C6orf132: variants seen among roughly 807,000 people sequenced by gnomAD.
The protein encoded by C6orf132 is uncharacterized protein C6orf132.
In C6orf132, 43 loss-of-function variants were observed where a neutral mutation model predicts 65.3. The observed-to-expected ratio is 0.66, with a 90% CI of 0.52 to 0.85. The LOEUF (loss-of-function observed/expected upper bound fraction) is 0.85. Ranked by LOEUF, C6orf132 falls within the 40% of genes least tolerant of loss-of-function variation. C6orf132 has a pLI of 0.00. For missense variants in C6orf132, 1,488 were observed against 1,548.8 expected, an observed-to-expected ratio of 0.96 and a Z score of 0.66; for synonymous variants, 631 against 654.1, an observed-to-expected ratio of 0.96 and a Z score of 0.54.
At chr6:42,112,623 C>T (rs1180221728) in intron 2 of C6orf132, among the ~76,000 whole-genome samples, 1 of 152,218 alleles carries the variant, frequency 6.6e-6, no homozygotes, top group Non-Finnish European at 1.5e-5. Flanking sequence ...CACTGCTACC[C>T]AGAGCAACCC....
intron 2 of C6orf132, among the ~76,000 whole-genome samples, chr6:42,116,175 G>A (rs755279747): frequency 2.0e-5 from 3 of 151,752 alleles, no homozygotes; most frequent in Non-Finnish European, 4.4e-5. Flanking sequence ...TGATCCGCCC[G>A]CCGTGGCCTC....
intron 1 of C6orf132, among the ~76,000 whole-genome samples, chr6:42,140,172 C>G (rs1040433650): frequency 9.2e-5 from 14 of 152,260 alleles, no homozygotes; most frequent in Non-Finnish European, 1.8e-4. Flanking sequence ...CAGCTGGAGG[C>G]CCAGCCCTGC....
intron 2 of C6orf132, among the ~76,000 whole-genome samples, chr6:42,113,825 A>AG (rs1766527890): frequency 6.6e-6 from 1 of 150,754 alleles, no homozygotes. Flanking sequence ...AAAAAAGAAA[A>AG]GAAAAAAAAG....
chr6:42,118,227 T>G (rs1049939245), intron 2 of C6orf132, among the ~76,000 whole-genome samples: 15 of 152,308 alleles, frequency 9.8e-5, no homozygotes, highest in African/African-American at 3.6e-4. Context: ...GAGGTTGTCC[T>G]CTGACTCCAG....
chr6:42,106,359 A>G lies in C6orf132; in HGVS notation c.1553T>C (p.Leu518Pro). 1 of 1,536,316 alleles carries G rather than the reference A, an allele frequency of 6.5e-7. No homozygotes were observed. The highest frequency in any genetic ancestry group is 8.7e-7 in the Non-Finnish European group (1 of 1,146,778). The change falls in exon 4 of 5, where the codon CTG becomes CCG. Residue 518 changes from leucine (L) to proline (P), a missense_variant. Physicochemically the swap from Leu to Pro is moderately conservative, Grantham distance 98. Transcript: ENST00000341865. ...ACCTGGGGGAGTGTCCTTTGCTGGC[A>G]GGCTCAGGAGAGTCTCCTTCTCAGG... ...RLPEKETLLS[L>P]PAKDTPPGVP...
chr6:42,120,199 C>G (rs1308221773), intron 2 of C6orf132, among the ~76,000 whole-genome samples: 2 of 151,686 alleles, frequency 1.3e-5, no homozygotes, highest in Admixed American at 6.6e-5. Flanking sequence ...AACTACCATT[C>G]CAAGAATATT....
At chr6:42,125,745 G>T (rs1177749566) in intron 2 of C6orf132, among the ~76,000 whole-genome samples, 4 of 152,218 alleles carry the variant, frequency 2.6e-5, no homozygotes, top group Non-Finnish European at 4.4e-5. Flanking sequence ...GGCCTGACCA[G>T]CCAGCCCAGC....
Position 42,106,794 on chromosome 6 carries a change from C to A in C6orf132, c.1118G>T (p.Ser373Ile), listed in dbSNP as rs1214241951. 4 of 1,534,646 alleles carry A rather than the reference C, an allele frequency of 2.6e-6. No homozygotes were observed. The highest frequency in any genetic ancestry group is 1.2e-5 in the South Asian group (1 of 83,948). Residue 373 changes from serine to isoleucine, a missense_variant, in exon 4 of 5, where the codon AGC (serine) becomes ATC (isoleucine). Physicochemically the swap from Ser to Ile is moderately radical, Grantham distance 142. Coordinates refer to ENST00000341865, the MANE Select transcript of C6orf132 (RefSeq NM_001164446.3). Reference protein sequence around the residue: ...PGELKATAPASPRLGQSQSQA... With the variant: ...PGELKATAPAIPRLGQSQSQA... ...GGACTGGGACTGGCCAAGCCTTGGG[C>A]TGGCTGGTGCTGTGGCCTTGAGCTC...
chr6:42,107,315 TG>T lies in C6orf132; in HGVS notation c.596del (p.Pro199HisfsTer26). The part of the protein sequence containing the change: ...PPPPVLEALS[P>X]PHTLSSPSIP... Reference sequence around the variant, plus strand: ...TGGATGGGGAGGAAAGAGTGTGTGGTGGGGATAGGGCCTCCAATACTGGGGG... The same window carrying T: ...TGGATGGGGAGGAAAGAGTGTGTGGTGGGATAGGGCCTCCAATACTGGGGG... On this transcript the variant is annotated frameshift_variant, in exon 4 of 5. Transcript: ENST00000341865. LOFTEE classifies it high-confidence loss of function. The T allele has an allele frequency of 2.1e-6, 2 of 974,862 alleles. No individual in the cohort carries two copies. The highest frequency in any genetic ancestry group is 2.6e-6 in the Non-Finnish European group (2 of 784,130). 60.4% of individuals were successfully genotyped at this position (974,862 alleles called of 1,614,324 possible). A position where few individuals can be genotyped will look rare whatever the true frequency, so the allele number is the denominator to read the frequency against.
At chr6:42,132,249 CT>C (rs1766865000) in intron 1 of C6orf132, among the ~76,000 whole-genome samples, 1 of 152,132 alleles carries the variant, frequency 6.6e-6, no homozygotes, top group Non-Finnish European at 1.5e-5. Flanking sequence ...GGTGCGGGGG[CT>C]CACACCTGTA....
chr6:42,123,110 G>A (rs553247118), intron 2 of C6orf132, among the ~76,000 whole-genome samples: 38 of 152,172 alleles, frequency 2.5e-4, no homozygotes, highest in African/African-American at 8.2e-4. Context: ...GGCCGGGCGC[G>A]GTGGCTCACG....
Position 42,105,706 on chromosome 6 carries a change from A to T in C6orf132, c.2206T>A (p.Ser736Thr), listed in dbSNP as rs967167935. Residue 736 changes from serine to threonine, a missense_variant, in exon 4 of 5, where the codon TCC becomes ACC. Physicochemically the swap from Ser to Thr is moderately conservative, Grantham distance 58. Coordinates refer to ENST00000341865, the MANE Select transcript of C6orf132 (RefSeq NM_001164446.3). ...STPSQARGEG[S>T]PSEATRLPTQ... ...GGCAGCCTAGTGGCCTCTGAGGGGG[A>T]CCCCTCTCCCCTTGCCTGGGAGGGA... 1 of 1,536,756 alleles carries T rather than the reference A, an allele frequency of 6.5e-7. No homozygotes were observed. Among genetic ancestry groups the T allele is most frequent in the African/African-American group, 1.4e-5 (1 of 72,910 alleles).
chr6:42,109,496 G>A (rs760364272), intron 3 of C6orf132, among the ~76,000 whole-genome samples: 3 of 152,126 alleles, frequency 2.0e-5, no homozygotes, highest in Admixed American at 2.0e-4. Context: ...TGACATTTGA[G>A]CAAAGAAGGG....
At chr6:42,117,441 C>A (rs1766599893) in intron 2 of C6orf132, among the ~76,000 whole-genome samples, 1 of 152,112 alleles carries the variant, frequency 6.6e-6, no homozygotes, top group Non-Finnish European at 1.5e-5. Context: ...TGCTCTCATA[C>A]TTTCCCTCTA....
intron 1 of C6orf132, among the ~76,000 whole-genome samples, chr6:42,135,416 CG>C (rs1766925405): frequency 6.6e-6 from 1 of 152,206 alleles, no homozygotes; most frequent in Non-Finnish European, 1.5e-5. Flanking sequence ...TTAAATGTGG[CG>C]GGTGGGCCAG....
chr6:42,142,565 T>G lies in C6orf132; in HGVS notation c.-121A>C. The G allele has an allele frequency of 6.3e-5, 29 of 463,834 alleles. No homozygotes were observed. Among genetic ancestry groups the G allele is most frequent in the East Asian group, 9.9e-5 (1 of 10,076 alleles). The allele number at this position is 463,834 out of a possible 1,614,324, so 28.7% of individuals were successfully genotyped here. ...TACCAGGCCATGTCCCCCGCCGTCC[T>G]CCCCGCCCGCGCACCGGGCAACAGG... On this transcript the variant is annotated 5_prime_UTR_variant, in exon 1 of 5. Transcript: ENST00000341865.
rs1349745243 is a variant in C6orf132 at position 42,102,220 on chromosome 6, CCTTT to C, written c.*1537_*1540del. The C allele has an allele frequency of 1.4e-5, 2 of 140,150 alleles. No individual in the cohort carries two copies. The highest frequency in any genetic ancestry group is 3.0e-5 in the Non-Finnish European group (2 of 66,304). 8.7% of individuals were successfully genotyped at this position (140,150 alleles called of 1,614,324 possible). A position where few individuals can be genotyped will look rare whatever the true frequency, so the allele number is the denominator to read the frequency against. ...ACCCTACTGATAGGTCTCCCCTGCTCCTTTTTTTTTTTTTTTTTTTTTTTTTGAG... is the reference window on the plus strand; with the variant it reads ...ACCCTACTGATAGGTCTCCCCTGCTCTTTTTTTTTTTTTTTTTTTTTTGAG... On this transcript the variant is annotated 3_prime_UTR_variant, in exon 5 of 5. Coordinates refer to ENST00000341865, the MANE Select transcript of C6orf132 (RefSeq NM_001164446.3).
At chr6:42,117,981 G>A (rs1466039110) in intron 2 of C6orf132, among the ~76,000 whole-genome samples, 1 of 145,564 alleles carries the variant, frequency 6.9e-6, no homozygotes, top group Non-Finnish European at 1.5e-5. Flanking sequence ...GAAAACCTGT[G>A]TTATGGCTCT....
In C6orf132 at chr6:42,106,954, C is replaced by T. The variant is rs1766420638; in HGVS notation, c.958G>A (p.Ala320Thr). 12 of 1,536,120 alleles carry T rather than the reference C, an allele frequency of 7.8e-6. No individual in the cohort carries two copies. The highest frequency in any genetic ancestry group is 1.0e-5 in the Non-Finnish European group (12 of 1,146,574). The change falls in exon 4 of 5, where the codon GCA becomes ACA. Residue 320 changes from alanine (A) to threonine (T), a missense_variant. By Grantham distance (58) the Ala-to-Thr change is moderately conservative (BLOSUM62 0). Coordinates refer to ENST00000341865, the MANE Select transcript of C6orf132 (RefSeq NM_001164446.3). ...TCTTCCTTTCGGGGAGCCTCTTGTG[C>T]TTCCTGAACTGGGATGGACGAAGTC... ...VRTSSIPVQE[A>T]QEAPRKEEGA...
Sources: gnomAD v4.1 joint callset for allele counts (sites outside exome capture counted in the v4.1 genomes callset) on GRCh38, gnomAD v4.1.1 for gene constraint, MANE v1.5 for transcripts, NCBI Gene and HGNC (gene_info 2026-07-23, HGNC 2026-07-21) for gene names.